Variants in C11orf65 observed in about 807,000 individuals in gnomAD.
C11orf65 encodes the protein chromosome 11 open reading frame 65, also known as protein MFI.
C11orf65 carries 38 observed loss-of-function variants against 35.3 expected under a neutral mutation model. The ratio of observed to expected loss-of-function variants is 1.08; its 90% confidence interval spans 0.83 to 1.41. The LOEUF is 1.41. Ranked by LOEUF, C11orf65 falls within the 40% of genes most tolerant of loss-of-function variation. C11orf65 has a pLI of 0.00. For missense variants in C11orf65, 370 were observed against 367.1 expected, an observed-to-expected ratio of 1.01 and a Z score of -0.06; for synonymous variants, 105 against 114.4, an observed-to-expected ratio of 0.92 and a Z score of 0.53.
intron 6 of C11orf65, among the ~76,000 whole-genome samples, chr11:108,318,388 T>A (rs1028903824): frequency 1.3e-4 from 20 of 150,386 alleles, no homozygotes; most frequent in Non-Finnish European, 2.4e-4. Flanking sequence ...ATAAAAAAAA[T>A]AATATGCCTA....
chr11:108,373,663 G>A (rs2138130052), intron 2 of C11orf65, among the ~76,000 whole-genome samples: 1 of 152,342 alleles, frequency 6.6e-6, no homozygotes, highest in South Asian at 2.1e-4. Context: ...GGGAGTGCCA[G>A]ACAGTAGGTG....
intron 6 of C11orf65, among the ~76,000 whole-genome samples, chr11:108,396,902 A>C (rs1164724143): frequency 6.6e-6 from 1 of 151,376 alleles, no homozygotes; most frequent in East Asian, 1.9e-4. Context: ...ATTATAATTA[A>C]ATGGTATAAA....
rs576179904 is a variant in C11orf65 at position 108,335,778 on chromosome 11, C to CAGATA, written c.227-487_227-486insTATCT. The CAGATA allele has an allele frequency of 2.7e-4, 357 of 1,313,214 alleles. 3 individuals carry two copies. In the South Asian group the frequency reaches 4.1e-3, roughly 15 times the overall value. 81.3% of individuals were successfully genotyped at this position (1,313,214 alleles called of 1,614,324 possible). The stretch of plus-strand genomic sequence containing the variant: ...TGGTTTGAGTGCCCTTTGCTATTCT[C>CAGATA]AGATGACTCTGTGTTTTTATAATAA... On this transcript the variant is annotated intron_variant, in intron 2 of 3. Coordinates refer to the C11orf65 transcript ENST00000524755.
chr11:108,391,987 CAA>C (rs2092173101), intron 7 of C11orf65, among the ~76,000 whole-genome samples: 1 of 151,970 alleles, frequency 6.6e-6, no homozygotes. Context: ...TTCCTAGGCT[CAA>C]GCAATCCTCC....
chr11:108,395,123 C>T (rs2092274862), intron 6 of C11orf65, among the ~76,000 whole-genome samples: 1 of 148,152 alleles, frequency 6.7e-6, no homozygotes, highest in African/African-American at 2.5e-5. Context: ...AGAGTGAGAC[C>T]TTAACTCTTA....
chr11:108,419,755 C>T (rs2092788761), intron 3 of C11orf65, among the ~76,000 whole-genome samples: 1 of 152,096 alleles, frequency 6.6e-6, no homozygotes, highest in African/African-American at 2.4e-5. Flanking sequence ...AGGAAACTTC[C>T]TTAATCAGAT....
intron 6 of C11orf65, among the ~76,000 whole-genome samples, chr11:108,404,909 A>G (rs1273417225): frequency 6.6e-6 from 1 of 152,192 alleles, no homozygotes; most frequent in Non-Finnish European, 1.5e-5. Context: ...GATGGCCACA[A>G]AACCTTTTTG....
chr11:108,406,991 T>C (rs1371769704), intron 4 of C11orf65, 28 bp from the exon 5 acceptor site: 1 of 1,578,224 alleles, frequency 6.3e-7, no homozygotes, highest in Admixed American at 1.7e-5. Flanking sequence ...CAAAGAGCCA[T>C]TGTAATGTAA....
At chr11:108,318,379 T>G (rs2084932279) in intron 6 of C11orf65, among the ~76,000 whole-genome samples, 1 of 147,732 alleles carries the variant, frequency 6.8e-6, no homozygotes, top group South Asian at 2.2e-4. Context: ...ATAAATAAAA[T>G]AAAAAAAATA....
chr11:108,411,146 T>C (rs901802772), intron 3 of C11orf65, among the ~76,000 whole-genome samples: 1 of 152,204 alleles, frequency 6.6e-6, no homozygotes, highest in African/African-American at 2.4e-5. Context: ...TGAGCTCTAC[T>C]TTAGATACAT....
At chr11:108,454,848 C>G (rs774686442) in intron 2 of C11orf65, among the ~76,000 whole-genome samples, 19 of 152,148 alleles carry the variant, frequency 1.2e-4, no homozygotes, top group Non-Finnish European at 2.8e-4. Flanking sequence ...TTGATCTTTT[C>G]TATTGTTTTT....
intron 2 of C11orf65, among the ~76,000 whole-genome samples, chr11:108,360,049 G>C (rs1422434414): frequency 6.6e-6 from 1 of 151,576 alleles, no homozygotes; most frequent in Non-Finnish European, 1.5e-5. Context: ...TAGACCGCTA[G>C]CAAGACTAAT....
At chr11:108,354,004 C>A in intron 2 of C11orf65, 1 of 962,320 alleles carries the variant, frequency 1.0e-6, no homozygotes, top group Non-Finnish European at 1.6e-6. Context: ...TTGTTTGAGC[C>A]CAGGAGTTTG....
At chr11:108,450,068 CA>C (rs1200582462) in intron 2 of C11orf65, among the ~76,000 whole-genome samples, 1 of 151,974 alleles carries the variant, frequency 6.6e-6, no homozygotes, top group Admixed American at 6.6e-5. Flanking sequence ...AAATGCAAAT[CA>C]AAACCACAAT....
chr11:108,421,741 G>A (rs1309971563), intron 3 of C11orf65, among the ~76,000 whole-genome samples: 1 of 152,086 alleles, frequency 6.6e-6, no homozygotes, highest in African/African-American at 2.4e-5. Context: ...GCCCCAAAAA[G>A]CCACACCAGG....
intron 3 of C11orf65, 92 bp from the exon 4 acceptor site, chr11:108,407,241 C>T (rs2092558398): frequency 1.1e-6 from 1 of 896,904 alleles, no homozygotes; most frequent in African/African-American, 1.7e-5. Context: ...TAAATAATTG[C>T]TAAATATTGA....
chr11:108,409,438 A>T (rs1255909003), intron 3 of C11orf65, among the ~76,000 whole-genome samples: 2 of 152,180 alleles, frequency 1.3e-5, no homozygotes, highest in Non-Finnish European at 2.9e-5. Flanking sequence ...AAGTGGTTCA[A>T]CTTACAATTT....
Position 108,317,504 on chromosome 11 carries a change from C to T in C11orf65, c.641-8433G>A, listed in dbSNP as rs759029705. The T allele has an allele frequency of 3.7e-6, 6 of 1,609,526 alleles. No homozygotes were observed. Among genetic ancestry groups the T allele is most frequent in the Middle Eastern group, 1.6e-4 (1 of 6,062 alleles). Reference sequence around the variant, plus strand: ...CAGCATGGAGGAATATGCAGTGGGACCATTGCACTTCCGTCAGGTAAGAAA... The same window carrying T: ...CAGCATGGAGGAATATGCAGTGGGATCATTGCACTTCCGTCAGGTAAGAAA... On this transcript the variant is annotated intron_variant, in intron 6 of 6. Transcript: ENST00000525729.
At chr11:108,326,605 C>G (rs1048537302), downstream of C11orf65, among the ~76,000 whole-genome samples, 1 of 152,132 alleles carries the variant, frequency 6.6e-6, no homozygotes, top group Non-Finnish European at 1.5e-5. Context: ...CAAGTTGGGA[C>G]AATTAGGTTG....
Sources: gnomAD v4.1 joint callset for allele counts (sites outside exome capture counted in the v4.1 genomes callset) on GRCh38, gnomAD v4.1.1 for gene constraint, MANE v1.5 for transcripts, NCBI Gene and HGNC (gene_info 2026-07-23, HGNC 2026-07-21) for gene names.